CNTNAP4: variants seen among roughly 807,000 people sequenced by gnomAD.
The protein encoded by CNTNAP4 is contactin-associated protein-like 4.
CNTNAP4 carries 98 observed loss-of-function variants against 148.4 expected under a neutral mutation model. The ratio of observed to expected loss-of-function variants is 0.66; its 90% CI spans 0.56 to 0.78. The LOEUF (loss-of-function observed/expected upper bound fraction) is 0.78. Among genes scored for constraint, CNTNAP4 ranks in the 30% least tolerant of loss-of-function variants. CNTNAP4 has a pLI of 0.00. For synonymous variants in CNTNAP4, 730 were observed against 565.1 expected (o/e 1.29, Z -4.14); for missense variants, 1,935 against 1,565.6 (o/e 1.24, Z -3.98).
At chr16:76,517,811 G>A (rs372747674) in intron 15 of CNTNAP4, among the ~76,000 whole-genome samples, 3 of 152,130 alleles carry the variant, frequency 2.0e-5, no homozygotes, top group South Asian at 2.1e-4. Context: ...CCTCTGAGCC[G>A]CTGCTCTCCC....
rs141013302 is a variant in CNTNAP4 at position 76,412,689 on chromosome 16, C to G, written c.391-14763C>G. Among the ~76,000 whole-genome samples, 437 of 151,110 alleles carry G rather than the reference C, an allele frequency of 2.9e-3. 3 individuals carry two copies. The highest frequency in any genetic ancestry group is 0.01 in the African/African-American group (423 of 41,414). Reference sequence around the variant, plus strand: ...TAAATACTTTTTTCTCTTTTTTTCTCTCATTGCTTTGTAGTTCACTATGTA... The same window carrying G: ...TAAATACTTTTTTCTCTTTTTTTCTGTCATTGCTTTGTAGTTCACTATGTA... On this transcript the variant is annotated intron_variant, in intron 3 of 23. Transcript: ENST00000611870.
At chr16:76,325,245 T>A (rs1165806273) in intron 2 of CNTNAP4, among the ~76,000 whole-genome samples, 2 of 152,150 alleles carry the variant, frequency 1.3e-5, no homozygotes, top group Admixed American at 6.6e-5. Flanking sequence ...AATAAAGATT[T>A]GAACAAAAAA....
At position 76,436,347 on chromosome 16, in the gene CNTNAP4, T is replaced by C. The variant is rs148552890; in HGVS notation, c.538+8748T>C. Among the ~76,000 whole-genome samples the C allele has an allele frequency of 1.8e-3, 281 of 152,264 alleles. 1 individual carries two copies. Among genetic ancestry groups the C allele is most frequent in the African/African-American group, 6.4e-3 (267 of 41,578 alleles). The stretch of plus-strand genomic sequence containing the variant: ...ATCAGGGTCCTCCCGCACATCCCCA[T>C]TCCAAGTTGCAAGGTTCCATTCTTT... On this transcript the variant is annotated intron_variant, in intron 4 of 23. Coordinates refer to ENST00000611870, the MANE Select transcript of CNTNAP4 (RefSeq NM_033401.5).
chr16:76,406,393 CAATATTGA>C (rs1263178167), intron 3 of CNTNAP4, among the ~76,000 whole-genome samples: 1 of 151,990 alleles, frequency 6.6e-6, no homozygotes, highest in African/African-American at 2.4e-5. Context: ...TGAGAGACAA[CAATATTGA>C]AATTAGACCA....
chr16:76,551,930 A>T (rs1348499087), intron 21 of CNTNAP4, among the ~76,000 whole-genome samples: 1 of 152,174 alleles, frequency 6.6e-6, no homozygotes, highest in Non-Finnish European at 1.5e-5. Flanking sequence ...TGCAGGGGAG[A>T]ATAGTTGTAT....
intron 2 of CNTNAP4, 37 bp downstream of exon 2, chr16:76,316,560 A>T (rs1369890512): frequency 4.5e-6 from 6 of 1,346,020 alleles, no homozygotes; most frequent in Non-Finnish European, 6.4e-6. Flanking sequence ...GCCCATAGAA[A>T]ATCTCACTAG....
chr16:76,380,847 C>A (rs1462321977), intron 3 of CNTNAP4, among the ~76,000 whole-genome samples: 1 of 152,098 alleles, frequency 6.6e-6, no homozygotes, highest in East Asian at 1.9e-4. Context: ...ATGCCTCTTC[C>A]ACACCACAAG....
At chr16:76,419,412 G>A (rs1057153911) in intron 3 of CNTNAP4, among the ~76,000 whole-genome samples, 2 of 152,028 alleles carry the variant, frequency 1.3e-5, no homozygotes, top group Non-Finnish European at 2.9e-5. Flanking sequence ...CCAGAAGGGA[G>A]TCTTTTTCTA....
chr16:76,462,941 C>G (rs1250829818), intron 9 of CNTNAP4, among the ~76,000 whole-genome samples: 1 of 152,126 alleles, frequency 6.6e-6, no homozygotes, highest in African/African-American at 2.4e-5. Context: ...CTCTATTATT[C>G]ACTAATAAAA....
chr16:76,540,775 T>C lies in CNTNAP4; in HGVS notation c.3427T>C (p.Leu1143=), dbSNP rs1440628940. The change falls in exon 21 of 24, where the codon TTG becomes CTG. Residue 1143 remains leucine, a synonymous_variant. Coordinates refer to ENST00000611870, the MANE Select transcript of CNTNAP4 (RefSeq NM_033401.5). ...TEFSAVKSLV[L]GRILEHSDVD... is the part of the protein sequence containing the mutation. ...ATTCAGTGCAGTCAAATCTCTGGTA[T>C]TGGGCAGGATTTTAGGTAAGTGAAA... The C allele has an allele frequency of 6.4e-7, 1 of 1,567,402 alleles. No homozygotes were observed. The highest frequency in any genetic ancestry group is 1.9e-5 in the Admixed American group (1 of 54,052).
chr16:76,514,047 A>G (rs532836558), intron 15 of CNTNAP4, among the ~76,000 whole-genome samples: 1 of 152,294 alleles, frequency 6.6e-6, no homozygotes, highest in South Asian at 2.1e-4. Context: ...GATTGACCAG[A>G]TTTACCTTGA....
chr16:76,402,495 T>TA (rs560870452), intron 3 of CNTNAP4, among the ~76,000 whole-genome samples: 1 of 152,034 alleles, frequency 6.6e-6, no homozygotes, highest in African/African-American at 2.4e-5. Context: ...TCTTACTAAT[T>TA]AAAAAACAAC....
intron 12 of CNTNAP4, among the ~76,000 whole-genome samples, chr16:76,480,668 G>C (rs1030994440): frequency 3.3e-5 from 5 of 152,108 alleles, no homozygotes; most frequent in Non-Finnish European, 7.4e-5. Context: ...AACCTGGGAG[G>C]TGGAGGTTGC....
In CNTNAP4 at chr16:76,348,051, A is replaced by G. The variant is rs189182448; in HGVS notation, c.197-7267A>G. Among the ~76,000 whole-genome samples the G allele has an allele frequency of 3.8e-3, 584 of 152,268 alleles. 3 individuals carry two copies. The highest frequency in any genetic ancestry group is 0.013 in the African/African-American group (553 of 41,554). ...TGACTGTTGCAAGAATCCAGGGTTG[A>G]ATAATATGGCCTGAATCAAAGGAGC... On this transcript the variant is annotated intron_variant, in intron 2 of 23. Transcript: ENST00000611870.
chr16:76,321,713 C>T (rs1328908316), intron 2 of CNTNAP4, among the ~76,000 whole-genome samples: 2 of 147,394 alleles, frequency 1.4e-5, no homozygotes, highest in East Asian at 2.0e-4. Context: ...GGCATGAACC[C>T]GGGAGGTGGA....
intron 3 of CNTNAP4, among the ~76,000 whole-genome samples, chr16:76,356,735 T>C (rs1188711531): frequency 1.3e-5 from 2 of 152,282 alleles, no homozygotes; most frequent in East Asian, 3.9e-4. Flanking sequence ...TGGAAGCCTA[T>C]TTGGGCACAT....
chr16:76,300,483 C>T (rs1219231518), intron 1 of CNTNAP4, among the ~76,000 whole-genome samples: 5 of 152,164 alleles, frequency 3.3e-5, no homozygotes, highest in African/African-American at 9.6e-5. Flanking sequence ...ACCACCATGG[C>T]ACGTGTATAC....
rs189277915 is a variant in CNTNAP4 at position 76,503,287 on chromosome 16, A to G, written c.2365+4593A>G. 3.5e-3 allele frequency among the ~76,000 whole-genome samples: 540 copies of G among 152,268 alleles called. 2 individuals are homozygous for G. The highest frequency in any genetic ancestry group is 0.012 in the African/African-American group (517 of 41,566). ...TGTAATAAGTCAAGGAGAGGAATTC[A>G]AGGCATTTATTAAGTTGCAGCAAAA... On this transcript the variant is annotated intron_variant, in intron 15 of 23. Transcript: ENST00000611870.
chr16:76,444,877 T>C (rs1446449651), intron 4 of CNTNAP4, among the ~76,000 whole-genome samples: 1 of 152,154 alleles, frequency 6.6e-6, no homozygotes, highest in African/African-American at 2.4e-5. Context: ...TGAAGGGTAT[T>C]GTTTACCTGC....
Sources: allele counts gnomAD v4.1 joint callset (sites outside exome capture counted in the v4.1 genomes callset), GRCh38; gene constraint gnomAD v4.1.1; transcripts MANE v1.5; gene names NCBI Gene and HGNC (gene_info 2026-07-23, HGNC 2026-07-21).